The following METTL24 variants were observed in gnomAD, a reference collection of about 807,000 sequenced individuals.
METTL24 encodes the protein probable methyltransferase-like protein 24.
METTL24 carries 29 observed loss-of-function variants against 32.7 expected under a neutral mutation model. The observed-to-expected ratio is 0.89, with a 90% CI of 0.66 to 1.21. METTL24 has a LOEUF of 1.21. Ranked by LOEUF, METTL24 falls within the 50% of genes most tolerant of loss-of-function variation. The pLI, the probability that METTL24 is intolerant of heterozygous loss-of-function variation, is 0.00. For missense variants in METTL24, 439 were observed against 468.1 expected (o/e 0.94, Z 0.57); for synonymous variants, 163 against 179.5 (o/e 0.91, Z 0.73).
At chr6:110,260,990 C>G (rs1353035886) in intron 4 of METTL24, among the ~76,000 whole-genome samples, 1 of 152,182 alleles carries the variant, frequency 6.6e-6, no homozygotes, top group Non-Finnish European at 1.5e-5. Context: ...AAGGAACAAC[C>G]AGTACCAGCC....
chr6:110,267,095 T>A (rs981558644), intron 4 of METTL24, among the ~76,000 whole-genome samples: 1 of 152,100 alleles, frequency 6.6e-6, no homozygotes, highest in Non-Finnish European at 1.5e-5. Context: ...TAAGTGAAGA[T>A]CTTGGAAGGG....
rs1778124657 is a variant in METTL24 at position 110,244,976 on chromosome 6, A to ATCTATCTG, written c.*969_*970insCAGATAGA. On this transcript the variant is annotated 3_prime_UTR_variant, in exon 5 of 5. Coordinates refer to ENST00000338882, the MANE Select transcript of METTL24 (RefSeq NM_001123364.3). ...GCCAGTAGGAAAATCTATCTTATCT[A>ATCTATCTG]TCTATCTATCTATCTATCTATCTAT... Among the ~76,000 whole-genome samples, 1 of 151,424 alleles carries ATCTATCTG rather than the reference A, an allele frequency of 6.6e-6. No individual in the cohort carries two copies. The highest frequency in any genetic ancestry group is 1.5e-5 in the Non-Finnish European group (1 of 67,878).
At chr6:110,320,573 G>T (rs773556796) in intron 2 of METTL24, among the ~76,000 whole-genome samples, 6 of 152,126 alleles carry the variant, frequency 3.9e-5, no homozygotes, top group African/African-American at 1.2e-4. Context: ...GGAATTTTAC[G>T]TCATTCTTTC....
At chr6:110,274,088 T>A (rs978776869) in intron 4 of METTL24, among the ~76,000 whole-genome samples, 2 of 151,346 alleles carry the variant, frequency 1.3e-5, no homozygotes, top group South Asian at 2.1e-4. Context: ...CTGGATGGAG[T>A]TGGAGCCTTT....
chr6:110,299,806 A>C (rs1771487895), intron 3 of METTL24, among the ~76,000 whole-genome samples: 1 of 152,194 alleles, frequency 6.6e-6, no homozygotes, highest in Admixed American at 6.5e-5. Flanking sequence ...GGAAAATAAT[A>C]AACTTCCAAA....
At chr6:110,315,537 G>C in intron 2 of METTL24, 56 bp from the exon 3 acceptor site, 1 of 1,579,372 alleles carries the variant, frequency 6.3e-7, no homozygotes, top group Non-Finnish European at 8.7e-7. Context: ...ATAAATAGCA[G>C]GTAGGGACTT....
At chr6:110,310,386 T>TC (rs1771700386) in intron 3 of METTL24, among the ~76,000 whole-genome samples, 1 of 152,096 alleles carries the variant, frequency 6.6e-6, no homozygotes, top group East Asian at 1.9e-4. Context: ...AAGGTGATTT[T>TC]CCCCTTTCAC....
chr6:110,325,460 G>C (rs1388976860), intron 1 of METTL24, among the ~76,000 whole-genome samples: 3 of 152,196 alleles, frequency 2.0e-5, no homozygotes, highest in Non-Finnish European at 4.4e-5. Flanking sequence ...GGGCCTGCAA[G>C]CTGTAGTTTG....
At chr6:110,266,280 T>C (rs948896232) in intron 4 of METTL24, among the ~76,000 whole-genome samples, 5 of 152,066 alleles carry the variant, frequency 3.3e-5, no homozygotes, top group African/African-American at 1.2e-4. Context: ...CTGAAATACA[T>C]CCAACATATT....
Position 110,250,523 on chromosome 6 carries a change from T to C in METTL24, c.787-4263A>G, listed in dbSNP as rs1033372143. The stretch of plus-strand genomic sequence containing the variant: ...TATGAAGGTTTAGAATTTCAACATA[T>C]TAATTTGGGGGAGACACAATTCAAC... On this transcript the variant is annotated intron_variant, in intron 4 of 4. Transcript: ENST00000338882. Among the ~76,000 whole-genome samples, 10 of 151,948 alleles carry C rather than the reference T, an allele frequency of 6.6e-5. 1 individual carries two copies. The South Asian group carries it at 1.7e-3, about 25-fold the overall frequency.
At position 110,278,187 on chromosome 6, in the gene METTL24, C is replaced by T. The variant is rs918373668; in HGVS notation, c.786+20735G>A. On this transcript the variant is annotated intron_variant, in intron 4 of 4. Coordinates refer to ENST00000338882, the MANE Select transcript of METTL24 (RefSeq NM_001123364.3). The stretch of plus-strand genomic sequence containing the variant: ...CACAGGCATGCTGAGTCTTTCATTT[C>T]TGGTTCCCGTGTGTGAATTGTGAAA... Among the ~76,000 whole-genome samples the T allele has an allele frequency of 7.2e-5, 11 of 152,170 alleles. No individual in the cohort carries two copies. In the South Asian group the frequency reaches 8.3e-4, roughly 11 times the overall value.
At chr6:110,314,206 G>A (rs1384121105) in intron 3 of METTL24, among the ~76,000 whole-genome samples, 8 of 152,240 alleles carry the variant, frequency 5.3e-5, no homozygotes, top group Admixed American at 1.3e-4. Context: ...ACATGGAAAC[G>A]ATCGATGTCA....
intron 2 of METTL24, among the ~76,000 whole-genome samples, chr6:110,321,129 C>T (rs573122684): frequency 3.9e-5 from 6 of 152,034 alleles, no homozygotes; most frequent in South Asian, 4.2e-4. Context: ...CCCAGCTACT[C>T]GGGAGGCTGA....
rs151248923 is a variant in METTL24 at position 110,318,184 on chromosome 6, C to T, written c.418-2703G>A. Among the ~76,000 whole-genome samples, 532 of 152,308 alleles carry T rather than the reference C, an allele frequency of 3.5e-3. 4 individuals carry two copies. Among genetic ancestry groups the T allele is most frequent in the African/African-American group, 0.012 (480 of 41,564 alleles). ...TTCAGGTCCAGCAGTTCCTCCTTTG[C>T]TAAAGTCAGGAACTAGGGTTTTATT... On this transcript the variant is annotated intron_variant, in intron 2 of 4. Coordinates refer to ENST00000338882, the MANE Select transcript of METTL24 (RefSeq NM_001123364.3).
intron 1 of METTL24, among the ~76,000 whole-genome samples, chr6:110,344,781 A>G (rs1285871547): frequency 6.6e-6 from 1 of 152,218 alleles, no homozygotes; most frequent in Non-Finnish European, 1.5e-5. Flanking sequence ...AAAATCAATT[A>G]AAGATGGATT....
chr6:110,248,817 C>T (rs1312896770), intron 4 of METTL24, among the ~76,000 whole-genome samples: 1 of 151,824 alleles, frequency 6.6e-6, no homozygotes, highest in Non-Finnish European at 1.5e-5. Context: ...ACTCATTTTT[C>T]CATCTCTCCT....
At chr6:110,318,564 T>C (rs1262118271) in intron 2 of METTL24, among the ~76,000 whole-genome samples, 1 of 150,556 alleles carries the variant, frequency 6.6e-6, no homozygotes, top group Non-Finnish European at 1.5e-5. Flanking sequence ...TGAGGCAGAA[T>C]TGCTTGAAAC....
intron 4 of METTL24, among the ~76,000 whole-genome samples, chr6:110,248,251 A>G (rs1778206486): frequency 6.6e-6 from 1 of 152,196 alleles, no homozygotes; most frequent in South Asian, 2.1e-4. Context: ...TCAGCCTTAG[A>G]TATTTCTTTA....
At chr6:110,275,273 C>T (rs1771028629) in intron 4 of METTL24, among the ~76,000 whole-genome samples, 1 of 152,030 alleles carries the variant, frequency 6.6e-6, no homozygotes, top group South Asian at 2.1e-4. Context: ...ACAGCCACTC[C>T]AGCTCTTCAA....
Sources: gnomAD v4.1 joint callset for allele counts (sites outside exome capture counted in the v4.1 genomes callset) on GRCh38, gnomAD v4.1.1 for gene constraint, MANE v1.5 for transcripts, NCBI Gene and HGNC (gene_info 2026-07-23, HGNC 2026-07-21) for gene names.